Variants in RFX8 observed in about 807,000 individuals in gnomAD.
RFX8 encodes the protein regulatory factor X8.
In RFX8, 46 loss-of-function variants were observed where a neutral mutation model predicts 54.6. The observed-to-expected ratio is 0.84, with a 90% CI of 0.67 to 1.08. The LOEUF is 1.08. RFX8 is among the 50% of genes least tolerant of loss of function. The pLI is 0.00. For synonymous variants in RFX8, 192 were observed against 209.5 expected (o/e 0.92, Z 0.72); for missense variants, 536 against 562.3 (o/e 0.95, Z 0.47).
At chr2:101,451,843 C>T (rs113201217) in intron 2 of RFX8, among the ~76,000 whole-genome samples, 3,146 of 152,258 alleles carry the variant, frequency 0.021, 53 homozygotes, top group Middle Eastern at 0.037. Context: ...CCCGTAATCC[C>T]AGTGCTTTGG....
At chr2:101,446,303 G>A (rs1558876010) in intron 2 of RFX8, among the ~76,000 whole-genome samples, 1 of 152,208 alleles carries the variant, frequency 6.6e-6, no homozygotes, top group East Asian at 1.9e-4. Context: ...AGCCTCCCAA[G>A]TAGCTGGGAC....
intron 6 of RFX8, among the ~76,000 whole-genome samples, chr2:101,416,018 G>A (rs1218362360): frequency 6.6e-6 from 1 of 152,220 alleles, no homozygotes; most frequent in Non-Finnish European, 1.5e-5. Context: ...GAGCACTGTT[G>A]GGTCATGGGA....
In RFX8 at chr2:101,421,740, C is replaced by T. The variant is rs749687328; in HGVS notation, c.221G>A (p.Arg74Gln). The change falls in exon 4 of 12, where the codon CGA becomes CAA. Residue 74 changes from arginine (R) to glutamine (Q), a missense_variant. Arg to Gln is a conservative substitution (Grantham distance 43). Coordinates refer to ENST00000428343, the MANE Select transcript of RFX8 (RefSeq NM_001145664.2). ...FLADEYCNYC[R>Q]DILRNVEDLL... ...GTTCCTCACATTTCGTAAAATGTCT[C>T]GACAATAGTTGCAGTATTCGTCAGC... 4.1e-5 allele frequency: 64 copies of T among 1,549,888 alleles called. No individual in the cohort carries two copies. Among genetic ancestry groups the T allele is most frequent in the Non-Finnish European group, 5.3e-5 (61 of 1,146,164 alleles).
At chr2:101,439,925 C>T (rs1464471957) in intron 2 of RFX8, among the ~76,000 whole-genome samples, 4 of 152,110 alleles carry the variant, frequency 2.6e-5, no homozygotes, top group African/African-American at 4.8e-5. Context: ...ATCGGTGTGT[C>T]CATGCCGTCA....
chr2:101,402,604 T>C lies in RFX8; in HGVS notation c.1077A>G (p.Ala359=). 1.3e-6 allele frequency: 2 copies of C among 1,552,066 alleles called. No homozygotes were observed. Among genetic ancestry groups the C allele is most frequent in the Non-Finnish European group, 1.7e-6 (2 of 1,147,102 alleles). The stretch of plus-strand genomic sequence containing the variant: ...GTGAGGAATTCAGAGAATGGAAAAG[T>C]GCCTGGTCTGGCTGGCCGAGAGTCG... ...DDPTLGQPDQ[A]LFHSLNSSLS... The change falls in exon 11 of 12, where the codon GCA becomes GCG. Residue 359 remains alanine, a synonymous_variant. Coordinates refer to ENST00000428343, the MANE Select transcript of RFX8 (RefSeq NM_001145664.2).
chr2:101,462,085 G>A (rs1031780439), intron 2 of RFX8, among the ~76,000 whole-genome samples: 1 of 152,114 alleles, frequency 6.6e-6, no homozygotes, highest in African/African-American at 2.4e-5. Context: ...GGGGACTTAT[G>A]GTGTTTAAAA....
intron 1 of RFX8, among the ~76,000 whole-genome samples, chr2:101,467,397 T>G (rs1689634905): frequency 6.6e-6 from 1 of 152,192 alleles, no homozygotes; most frequent in Non-Finnish European, 1.5e-5. Flanking sequence ...CTGATCCCTG[T>G]TCCTCTGAAG....
chr2:101,397,834 G>A, intron 11 of RFX8, 110 bp from the exon 12 acceptor site: 1 of 841,848 alleles, frequency 1.2e-6, no homozygotes, highest in Non-Finnish European at 1.8e-6. Context: ...CCCACCCTGG[G>A]ATGTAAAGGA....
At chr2:101,474,039 C>T (rs1404368929) in intron 1 of RFX8, among the ~76,000 whole-genome samples, 1 of 152,188 alleles carries the variant, frequency 6.6e-6, no homozygotes, top group Non-Finnish European at 1.5e-5. Flanking sequence ...ATGGCAGGTC[C>T]CTCCGCGCTG....
At position 101,402,504 on chromosome 2, in the gene RFX8, G is replaced by T; in HGVS notation, c.1177C>A (p.Pro393Thr). 6.4e-7 allele frequency: 1 copy of T among 1,551,794 alleles called. No individual in the cohort carries two copies. Among genetic ancestry groups the T allele is most frequent in the Non-Finnish European group, 8.7e-7 (1 of 1,147,026 alleles). Reference sequence around the variant, plus strand: ...AGGACCATGTTGCTCACACCCACGGGATATCGGCCCTGGCCCATGTGTGTG... The same window carrying T: ...AGGACCATGTTGCTCACACCCACGGTATATCGGCCCTGGCCCATGTGTGTG... ...MPTHMGQGRY[P>T]VGVSNMVLRI... is the part of the protein sequence containing the mutation. The change falls in exon 11 of 12, where the codon CCC becomes ACC. Residue 393 changes from proline (P) to threonine (T), a missense_variant. Physicochemically the swap from Pro to Thr is conservative, Grantham distance 38. Transcript: ENST00000428343.
intron 2 of RFX8, among the ~76,000 whole-genome samples, chr2:101,462,229 A>C (rs1459332738): frequency 6.6e-6 from 1 of 152,164 alleles, no homozygotes. Context: ...GGGGTCCAAG[A>C]CCAGCCTGGG....
chr2:101,474,081 G>A, intron 1 of RFX8: 1 of 499,558 alleles, frequency 2.0e-6, no homozygotes, highest in Non-Finnish European at 3.5e-6. Flanking sequence ...CGCTGGGCCT[G>A]GGGCCGCTCC....
chr2:101,468,460 G>A (rs1689705818), intron 1 of RFX8, among the ~76,000 whole-genome samples: 1 of 151,726 alleles, frequency 6.6e-6, no homozygotes, highest in Non-Finnish European at 1.5e-5. Flanking sequence ...TTTCTTTTTT[G>A]CATTTTTTTA....
intron 2 of RFX8, among the ~76,000 whole-genome samples, chr2:101,451,677 G>A (rs1437809338): frequency 6.1e-5 from 6 of 99,126 alleles, no homozygotes; most frequent in Non-Finnish European, 2.0e-5. Flanking sequence ...CGACAAGGGT[G>A]AAACTCCGTC....
intron 4 of RFX8, chr2:101,421,407 G>A (rs1157084210): frequency 3.8e-6 from 4 of 1,047,224 alleles, no homozygotes; most frequent in Non-Finnish European, 4.6e-6. Context: ...AAATTCCAGG[G>A]TGAATTTTAT....
chr2:101,456,203 T>C (rs550879913), intron 2 of RFX8, among the ~76,000 whole-genome samples: 3 of 152,246 alleles, frequency 2.0e-5, no homozygotes, highest in Non-Finnish European at 4.4e-5. Context: ...ATACCCTTTA[T>C]TTCTTTCTCT....
intron 2 of RFX8, among the ~76,000 whole-genome samples, chr2:101,425,877 A>G (rs889744573): frequency 2.6e-5 from 4 of 152,230 alleles, no homozygotes; most frequent in African/African-American, 9.6e-5. Context: ...GAGGAATTCC[A>G]GTGTGGAAAC....
chr2:101,405,742 A>C (rs1232932748), intron 10 of RFX8, among the ~76,000 whole-genome samples: 1 of 152,184 alleles, frequency 6.6e-6, no homozygotes, highest in Non-Finnish European at 1.5e-5. Flanking sequence ...AGCATGGTCC[A>C]TCTGTTTGAC....
At chr2:101,407,237 C>T (rs1309732494) in intron 9 of RFX8, among the ~76,000 whole-genome samples, 1 of 152,238 alleles carries the variant, frequency 6.6e-6, no homozygotes, top group African/African-American at 2.4e-5. Flanking sequence ...AAATCCTTGG[C>T]ACACCAGAAG....
Sources: gnomAD v4.1 joint callset for allele counts (sites outside exome capture counted in the v4.1 genomes callset) on GRCh38, gnomAD v4.1.1 for gene constraint, MANE v1.5 for transcripts, NCBI Gene and HGNC (gene_info 2026-07-23, HGNC 2026-07-21) for gene names.